Variants in CDH6 observed in about 807,000 individuals in gnomAD.
CDH6 encodes the protein cadherin-6.
Under a neutral mutation model 78.0 loss-of-function variants are expected in CDH6, and 31 were observed. The observed-to-expected ratio is 0.40, with a 90% CI of 0.30 to 0.54. The LOEUF is 0.54. CDH6 is among the 20% of genes least tolerant of loss of function. CDH6 has a pLI of 0.56. For missense variants in CDH6, 724 were observed against 975.9 expected (o/e 0.74, Z 3.44); for synonymous variants, 376 against 368.8 (o/e 1.02, Z -0.23).
Position 31,303,041 on chromosome 5 carries a change from G to T in CDH6, c.999+743G>T, listed in dbSNP as rs577570023. Among the ~76,000 whole-genome samples, 3 of 152,156 alleles carry T rather than the reference G, an allele frequency of 2.0e-5. No individual in the cohort carries two copies. In the South Asian group the frequency reaches 6.2e-4, roughly 32 times the overall value. On this transcript the variant is annotated intron_variant, in intron 6 of 11. Transcript: ENST00000265071. ...GGGTTGGCTTTCAGGAACCTAAAAT[G>T]ATATGCATTCATGTTAATTCTATAC... is the stretch of plus-strand genomic sequence containing the variant.
In CDH6 at chr5:31,267,372, C is replaced by T; in HGVS notation, c.-102C>T. 2.5e-6 allele frequency: 2 copies of T among 801,234 alleles called. No individual in the cohort carries two copies. Among genetic ancestry groups the T allele is most frequent in the South Asian group, 3.2e-5 (2 of 62,632 alleles). The allele number at this position is 801,234 out of a possible 1,614,324, so 49.6% of individuals were successfully genotyped here. A position where few individuals can be genotyped will look rare whatever the true frequency, so the allele number is the denominator to read the frequency against. On this transcript the variant is annotated 5_prime_UTR_variant, in exon 2 of 12. Coordinates refer to ENST00000265071, the MANE Select transcript of CDH6 (RefSeq NM_004932.4). ...TATCCTCTGAGAGCCAAGCAAAGAA[C>T]ATTAAGGAAGGAAGGAGGAATGAGG...
Position 31,324,744 on chromosome 5 carries a change from GTTA to G in CDH6, c.*1441_*1443del. 4.8e-6 allele frequency: 1 copy of G among 208,508 alleles called. No individual in the cohort carries two copies. Among genetic ancestry groups the G allele is most frequent in the Non-Finnish European group, 9.8e-6 (1 of 102,406 alleles). 12.9% of individuals were successfully genotyped at this position (208,508 alleles called of 1,614,324 possible). On this transcript the variant is annotated 3_prime_UTR_variant, in exon 12 of 12. Transcript: ENST00000265071. ...CTCTAATTATGCAATTAGCCTCATA[GTTA>G]TTATCCAGAGGACCCAACTGAACTG...
At chr5:31,240,647 A>C (rs988616020) in intron 1 of CDH6, among the ~76,000 whole-genome samples, 1 of 152,150 alleles carries the variant, frequency 6.6e-6, no homozygotes, top group African/African-American at 2.4e-5. Context: ...AAACACAGCA[A>C]TTTTTATTTA....
chr5:31,269,885 GA>G (rs763494878), intron 2 of CDH6, among the ~76,000 whole-genome samples: 2 of 150,906 alleles, frequency 1.3e-5, no homozygotes, highest in South Asian at 2.1e-4. Flanking sequence ...ATATTTGCTG[GA>G]AAAAAAAATC....
At chr5:31,247,407 C>T (rs1174947284) in intron 1 of CDH6, among the ~76,000 whole-genome samples, 1 of 152,184 alleles carries the variant, frequency 6.6e-6, no homozygotes, top group African/African-American at 2.4e-5. Flanking sequence ...CAGCTGATTG[C>T]AAAGCTCATT....
chr5:31,281,166 G>A (rs1742853841), intron 2 of CDH6, among the ~76,000 whole-genome samples: 1 of 152,108 alleles, frequency 6.6e-6, no homozygotes, highest in Non-Finnish European at 1.5e-5. Flanking sequence ...CTTTCAGGAA[G>A]AACATGTTTT....
intron 1 of CDH6, among the ~76,000 whole-genome samples, chr5:31,265,780 T>G (rs948302299): frequency 7.4e-6 from 1 of 135,636 alleles, no homozygotes; most frequent in African/African-American, 2.9e-5. Context: ...TTTTTTTTTT[T>G]TTTTTTTTTT....
intron 2 of CDH6, among the ~76,000 whole-genome samples, chr5:31,276,975 G>A (rs2149938314): frequency 6.6e-6 from 1 of 152,272 alleles, no homozygotes; most frequent in African/African-American, 2.4e-5. Context: ...AAGAACAGGT[G>A]AAATGGAGAG....
rs542544543 is a variant in CDH6 at position 31,195,084 on chromosome 5, TA to T, written c.-129+1212del. 6.9e-3 allele frequency among the ~76,000 whole-genome samples: 988 copies of T among 143,640 alleles called. 3 individuals carry two copies. The highest frequency in any genetic ancestry group is 8.5e-3 in the African/African-American group (335 of 39,288). 94.2% of individuals were successfully genotyped at this position (143,640 alleles called of 152,430 possible). A position where few individuals can be genotyped will look rare whatever the true frequency, so the allele number is the denominator to read the frequency against. ...ACACATTTCTGTCTCCTACTCCCAT[TA>T]AAAAAAAAAAAAATTTAAATGATGA... On this transcript the variant is annotated intron_variant, in intron 1 of 11. Transcript: ENST00000265071.
At chr5:31,240,553 TCA>T (rs995243519) in intron 1 of CDH6, among the ~76,000 whole-genome samples, 6 of 152,148 alleles carry the variant, frequency 3.9e-5, no homozygotes, top group Non-Finnish European at 7.3e-5. Flanking sequence ...ATCCTGCACC[TCA>T]CAGGCAGCAG....
At chr5:31,256,930 A>G (rs1742071224) in intron 1 of CDH6, among the ~76,000 whole-genome samples, 1 of 152,216 alleles carries the variant, frequency 6.6e-6, no homozygotes, top group Admixed American at 6.5e-5. Flanking sequence ...CTTGTCTGAG[A>G]TCACAAGAGA....
chr5:31,229,302 T>C (rs1458380946), intron 1 of CDH6, among the ~76,000 whole-genome samples: 1 of 152,234 alleles, frequency 6.6e-6, no homozygotes, highest in Non-Finnish European at 1.5e-5. Context: ...CCTCTTGTTA[T>C]CCAGTTCTGG....
At chr5:31,302,813 AAAG>A (rs1561066083) in intron 6 of CDH6, among the ~76,000 whole-genome samples, 10 of 138,872 alleles carry the variant, frequency 7.2e-5, no homozygotes, top group Non-Finnish European at 1.4e-4. Context: ...AGAAAGAAAG[AAAG>A]AAAGAAAGAA....
At chr5:31,242,709 G>GC (rs1001453381) in intron 1 of CDH6, among the ~76,000 whole-genome samples, 1 of 150,216 alleles carries the variant, frequency 6.7e-6, no homozygotes, top group African/African-American at 2.5e-5. Context: ...AATGGGGGGG[G>GC]GCGGTTAGAA....
At chr5:31,247,547 A>G (rs1741786565) in intron 1 of CDH6, among the ~76,000 whole-genome samples, 1 of 152,204 alleles carries the variant, frequency 6.6e-6, no homozygotes, top group Non-Finnish European at 1.5e-5. Flanking sequence ...TTGGTGTCTC[A>G]CAGGCAATTG....
At chr5:31,289,545 T>C (rs1038485390) in intron 2 of CDH6, among the ~76,000 whole-genome samples, 2 of 152,162 alleles carry the variant, frequency 1.3e-5, no homozygotes. Context: ...CTCTGAGAAA[T>C]CTCCATACTG....
intron 11 of CDH6, among the ~76,000 whole-genome samples, chr5:31,320,996 A>C (rs1039252386): frequency 2.1e-5 from 3 of 142,230 alleles, no homozygotes; most frequent in Non-Finnish European, 4.6e-5. Context: ...AAAAAAAAAA[A>C]CTGTGCTGTA....
In CDH6 at chr5:31,279,593, A is replaced by T. The variant is rs1021060684; in HGVS notation, c.228+11892A>T. 4.6e-5 allele frequency among the ~76,000 whole-genome samples: 7 copies of T among 152,126 alleles called. No individual in the cohort carries two copies. The East Asian group carries it at 9.6e-4, about 21-fold the overall frequency. On this transcript the variant is annotated intron_variant, in intron 2 of 11. Transcript: ENST00000265071. ...TCAAAAAATATATATATAATAATAA[A>T]AACTAATAAGAAAATCATAAGAAAG... is the stretch of plus-strand genomic sequence containing the variant.
chr5:31,231,730 T>C (rs1055040396), intron 1 of CDH6, among the ~76,000 whole-genome samples: 2 of 152,196 alleles, frequency 1.3e-5, no homozygotes, highest in East Asian at 1.9e-4. Flanking sequence ...CATTAATCCA[T>C]TAATCCATGC....
Sources: allele counts gnomAD v4.1 joint callset (sites outside exome capture counted in the v4.1 genomes callset), GRCh38; gene constraint gnomAD v4.1.1; transcripts MANE v1.5; gene names NCBI Gene and HGNC (gene_info 2026-07-23, HGNC 2026-07-21).